The following EFNA3 variants were observed in gnomAD, a reference collection of about 807,000 sequenced individuals.
EFNA3 encodes the protein ephrin-A3.
EFNA3 carries 15 observed loss-of-function variants against 25.0 expected under a neutral mutation model. The observed-to-expected ratio is 0.60, with a 90% confidence interval of 0.40 to 0.92. The LOEUF (loss-of-function observed/expected upper bound fraction) is 0.92, where lower values mean the gene tolerates loss of function less well. EFNA3 is among the 40% of genes least tolerant of loss of function. The probability of loss-of-function intolerance (pLI) is 0.00; values close to 1 mark genes in which losing one functional copy is unlikely to be tolerated. For missense variants in EFNA3, 298 were observed against 323.8 expected (o/e 0.92, Z 0.61); for synonymous variants, 153 against 145.6 (o/e 1.05, Z -0.37).
At chr1:155,086,293 G>C in intron 4 of EFNA3, 88 bp downstream of exon 4, 2 of 1,595,564 alleles carry the variant, frequency 1.3e-6, no homozygotes, top group South Asian at 2.2e-5. Flanking sequence ...CCTTCCCTGG[G>C]GGCACTGATA....
chr1:155,082,246 A>G (rs1395591719), intron 1 of EFNA3, among the ~76,000 whole-genome samples: 1 of 152,162 alleles, frequency 6.6e-6, no homozygotes, highest in Non-Finnish European at 1.5e-5. Context: ...GCTAGAGGGA[A>G]GAGGAACCCG....
At chr1:155,082,209 G>C (rs1193120137) in intron 1 of EFNA3, among the ~76,000 whole-genome samples, 1 of 152,206 alleles carries the variant, frequency 6.6e-6, no homozygotes, top group Non-Finnish European at 1.5e-5. Flanking sequence ...CTGCTGGAGC[G>C]GGCGGCGCGC....
rs573345566 is a variant in EFNA3, at chr1:155,085,136, T to C, written c.174T>C (p.Tyr58=). 10 of 1,613,566 alleles carry C rather than the reference T, an allele frequency of 6.2e-6. No homozygotes were observed. The Admixed American group carries it at 1.7e-4, about 27-fold the overall frequency. Residue 58 remains tyrosine (Y), a synonymous_variant, in exon 2 of 5, where the codon TAT becomes TAC. Transcript: ENST00000368408. This position sits in a 1 kb window ranked among gnomAD's most constrained non-coding sequence, Gnocchi z 4.4. ...CCGTGCAGGTGAACGTGAACGACTA[T>C]CTGGATATTTACTGCCCGCACTACA... ...GYTVQVNVND[Y]LDIYCPHYNS...
rs978343240 is a variant in EFNA3, at chr1:155,085,018, T to G, written c.129-73T>G. The G allele has an allele frequency of 6.5e-7, 1 of 1,537,352 alleles. No individual in the cohort carries two copies. On this transcript the variant is annotated intron_variant, in intron 1 of 4. Coordinates refer to ENST00000368408, the MANE Select transcript of EFNA3 (RefSeq NM_004952.5). The surrounding 1 kb of genome is among the most constrained non-coding windows in gnomAD (Gnocchi z 4.4). ...GGCTACGCGGACCCTGGGGAGGGGC[T>G]GCGGAGCGGTCAGATGGAAAGCGGC... is the stretch of plus-strand genomic sequence containing the variant.
chr1:155,083,602 G>T (rs1176241972), intron 1 of EFNA3, among the ~76,000 whole-genome samples: 1 of 152,252 alleles, frequency 6.6e-6, no homozygotes, highest in Non-Finnish European at 1.5e-5. Flanking sequence ...CTGCCTCACT[G>T]TCAGGCTTGG....
chr1:155,085,793 TG>T lies in EFNA3; in HGVS notation c.443-82del. 3 of 1,522,626 alleles carry T rather than the reference TG, an allele frequency of 2.0e-6. No homozygotes were observed. Among genetic ancestry groups the T allele is most frequent in the Non-Finnish European group, 2.7e-6 (3 of 1,114,222 alleles). The allele number at this position is 1,522,626 out of a possible 1,614,324, so 94.3% of individuals were successfully genotyped here. A position where few individuals can be genotyped will look rare whatever the true frequency, so the allele number is the denominator to read the frequency against. Reference sequence around the variant, plus strand: ...AGGAGACCGCCCGACGGGGACAGTTTGGAGGGGGTGAGAAATAGAGCCGTCG... The same window carrying T: ...AGGAGACCGCCCGACGGGGACAGTTTGAGGGGGTGAGAAATAGAGCCGTCG... On this transcript the variant is annotated intron_variant, in intron 2 of 4. Transcript: ENST00000368408. The surrounding 1 kb of genome is among the most constrained non-coding windows in gnomAD (Gnocchi z 4.4).
rs912989738 is a variant in EFNA3, at chr1:155,085,823, G to T, written c.443-54G>T. 6.3e-7 allele frequency: 1 copy of T among 1,599,190 alleles called. No individual in the cohort carries two copies. The highest frequency in any genetic ancestry group is 1.7e-5 in the Admixed American group (1 of 58,916). ...GGGGTGAGAAATAGAGCCGTCGAGG[G>T]AGGGCACAGGCACACATTGGGCGAA... On this transcript the variant is annotated intron_variant, in intron 2 of 4. Coordinates refer to ENST00000368408, the MANE Select transcript of EFNA3 (RefSeq NM_004952.5). This position sits in a 1 kb window ranked among gnomAD's most constrained non-coding sequence, Gnocchi z 4.4.
Position 155,085,075 on chromosome 1 carries a change from T to C in EFNA3, c.129-16T>C. On this transcript the variant is annotated splice_polypyrimidine_tract_variant and intron_variant, in intron 1 of 4. Coordinates refer to ENST00000368408, the MANE Select transcript of EFNA3 (RefSeq NM_004952.5). This position sits in a 1 kb window ranked among gnomAD's most constrained non-coding sequence, Gnocchi z 4.4. ...CTGGGGTTTCTTCTCTCTGAGCCGC[T>C]TCCTCTTCCCCACAGCCTGCGGCGA... 1 of 1,612,604 alleles carries C rather than the reference T, an allele frequency of 6.2e-7. No homozygotes were observed. The highest frequency in any genetic ancestry group is 8.5e-7 in the Non-Finnish European group (1 of 1,179,614).
rs1314768077 is a variant in EFNA3 at position 155,080,652 on chromosome 1, A to C, written c.128+1583A>C. Among the ~76,000 whole-genome samples, 1 of 152,044 alleles carries C rather than the reference A, an allele frequency of 6.6e-6. No homozygotes were observed. Among genetic ancestry groups the C allele is most frequent in the Non-Finnish European group, 1.5e-5 (1 of 67,972 alleles). On this transcript the variant is annotated intron_variant, in intron 1 of 4. Coordinates refer to ENST00000368408, the MANE Select transcript of EFNA3 (RefSeq NM_004952.5). The surrounding 1 kb of genome is among the most constrained non-coding windows in gnomAD (Gnocchi z 7.0). ...TTCTTAGGGGAAGCCAGAGCCGGGG[A>C]GGATGCGGGAATAGGTTTGGTGGGG...
At chr1:155,083,175 A>T (rs1553268515) in intron 1 of EFNA3, among the ~76,000 whole-genome samples, 5 of 152,164 alleles carry the variant, frequency 3.3e-5, no homozygotes, top group Non-Finnish European at 5.9e-5. Context: ...CCCTGCTGGA[A>T]TGGGGTGTGT....
Position 155,085,215 on chromosome 1 carries a change from C to T in EFNA3, c.253C>T (p.Gln85Ter), listed in dbSNP as rs767358183. ...AGPGPGGGAE[Q>*]YVLYMVSRNG... ...ACCGGGGCCCGGAGGCGGGGCAGAG[C>T]AGTACGTGCTGTACATGGTGAGCCG... Residue 85 changes from glutamine (Q) to a stop codon, truncating the protein, a stop_gained, in exon 2 of 5, where the codon CAG becomes TAG. Coordinates refer to ENST00000368408, the MANE Select transcript of EFNA3 (RefSeq NM_004952.5). LOFTEE classifies it high-confidence loss of function. The surrounding 1 kb of genome is among the most constrained non-coding windows in gnomAD (Gnocchi z 4.4). 6.2e-7 allele frequency: 1 copy of T among 1,613,088 alleles called. No individual in the cohort carries two copies. Among genetic ancestry groups the T allele is most frequent in the Non-Finnish European group, 8.5e-7 (1 of 1,179,838 alleles).
rs1663431699 is a variant in EFNA3 at position 155,085,256 on chromosome 1, C to T, written c.294C>T (p.Thr98=). 1 of 1,612,828 alleles carries T rather than the reference C, an allele frequency of 6.2e-7. No individual in the cohort carries two copies. Among genetic ancestry groups the T allele is most frequent in the African/African-American group, 1.3e-5 (1 of 74,918 alleles). The stretch of plus-strand genomic sequence containing the variant: ...TGGTGAGCCGCAACGGCTACCGCAC[C>T]TGCAACGCCAGCCAGGGCTTCAAGC... The part of the protein sequence containing the change: ...LYMVSRNGYR[T]CNASQGFKRW... The change falls in exon 2 of 5, where the codon ACC becomes ACT. Residue 98 remains threonine (T), a synonymous_variant. Transcript: ENST00000368408. This position sits in a 1 kb window ranked among gnomAD's most constrained non-coding sequence, Gnocchi z 4.4.
rs556081903 is a variant in EFNA3 at position 155,081,642 on chromosome 1, T to C, written c.128+2573T>C. Among the ~76,000 whole-genome samples the C allele has an allele frequency of 1.3e-5, 2 of 152,304 alleles. No homozygotes were observed. Among genetic ancestry groups the C allele is most frequent in the Admixed American group, 6.5e-5 (1 of 15,304 alleles). ...TGAGTCTCAGCCTTGCACCCTTCCC[T>C]GTCCCTGCTTCTCTCCTTTGCGTCT... On this transcript the variant is annotated intron_variant, in intron 1 of 4. Transcript: ENST00000368408. The surrounding 1 kb of genome is among the most constrained non-coding windows in gnomAD (Gnocchi z 5.2).
chr1:155,080,016 A>C lies in EFNA3; in HGVS notation c.128+947A>C, dbSNP rs1275139773. Among the ~76,000 whole-genome samples the C allele has an allele frequency of 2.0e-5, 3 of 151,904 alleles. No homozygotes were observed. The highest frequency in any genetic ancestry group is 6.6e-5 in the Admixed American group (1 of 15,254). ...GTGCTGGCTGCGGGGCCGGGTCCTC[A>C]TTCTGCTCAGTCCTTGCTGCCCTTG... On this transcript the variant is annotated intron_variant, in intron 1 of 4. Coordinates refer to ENST00000368408, the MANE Select transcript of EFNA3 (RefSeq NM_004952.5). The surrounding 1 kb of genome is among the most constrained non-coding windows in gnomAD (Gnocchi z 7.0).
intron 3 of EFNA3, 76 bp downstream of exon 3, chr1:155,086,018 G>C: frequency 1.3e-6 from 2 of 1,571,628 alleles, no homozygotes. Context: ...TCCTGGGGGT[G>C]GGGGCGGAGG....
chr1:155,080,869 G>C lies in EFNA3; in HGVS notation c.128+1800G>C, dbSNP rs932935872. Among the ~76,000 whole-genome samples, 4 of 152,144 alleles carry C rather than the reference G, an allele frequency of 2.6e-5. No homozygotes were observed. The highest frequency in any genetic ancestry group is 4.4e-5 in the Non-Finnish European group (3 of 67,986). On this transcript the variant is annotated intron_variant, in intron 1 of 4. Coordinates refer to ENST00000368408, the MANE Select transcript of EFNA3 (RefSeq NM_004952.5). The surrounding 1 kb of genome is among the most constrained non-coding windows in gnomAD (Gnocchi z 7.0). ...TGCCGCCGCCCCCGCCTCGCTTCCCGGGCCTTTGTTGCCGCTGCGCCCGGG... is the reference window on the plus strand; with the variant it reads ...TGCCGCCGCCCCCGCCTCGCTTCCCCGGCCTTTGTTGCCGCTGCGCCCGGG...
intron 4 of EFNA3, 89 bp from the exon 5 acceptor site, chr1:155,086,324 C>A: frequency 1.3e-6 from 2 of 1,594,212 alleles, no homozygotes; most frequent in South Asian, 2.3e-5. Context: ...TGTGGGTGGT[C>A]ACGTCCCTGG....
Position 155,081,362 on chromosome 1 carries a change from G to T in EFNA3, c.128+2293G>T, listed in dbSNP as rs902068726. The stretch of plus-strand genomic sequence containing the variant: ...AGCCGGGAATCGAACTTGGTGAGGG[G>T]GGTTGGGACGGCCGATGGCCAAATA... On this transcript the variant is annotated intron_variant, in intron 1 of 4. Transcript: ENST00000368408. This position sits in a 1 kb window ranked among gnomAD's most constrained non-coding sequence, Gnocchi z 5.2. Among the ~76,000 whole-genome samples the T allele has an allele frequency of 6.6e-6, 1 of 152,262 alleles. No homozygotes were observed. Among genetic ancestry groups the T allele is most frequent in the African/African-American group, 2.4e-5 (1 of 41,476 alleles).
chr1:155,082,549 C>T (rs1663362252), intron 1 of EFNA3, among the ~76,000 whole-genome samples: 1 of 152,218 alleles, frequency 6.6e-6, no homozygotes, highest in African/African-American at 2.4e-5. Flanking sequence ...GGATGCGCCT[C>T]AGAGGCTGTG....
Sources: allele counts gnomAD v4.1 joint callset (sites outside exome capture counted in the v4.1 genomes callset), GRCh38; gene constraint gnomAD v4.1.1; non-coding constraint Gnocchi (gnomAD v3.1); transcripts MANE v1.5; gene names NCBI Gene and HGNC (gene_info 2026-07-23, HGNC 2026-07-21).